Variants in CADPS observed in about 807,000 individuals in gnomAD.
CADPS encodes the protein calcium-dependent secretion activator 1.
A neutral mutation model predicts 167.3 loss-of-function variants in CADPS; 57 were observed. That is an observed-to-expected ratio of 0.34 (90% confidence interval 0.28 to 0.42). The LOEUF (loss-of-function observed/expected upper bound fraction) is 0.42, where lower values mean the gene tolerates loss of function less well. Ranked by LOEUF, CADPS falls within the 20% of genes least tolerant of loss-of-function variation. The pLI is 1.00. For missense variants in CADPS, 1,414 were observed against 1,738.1 expected (o/e 0.81, Z 3.32); for synonymous variants, 676 against 635.3 (o/e 1.06, Z -0.96).
chr3:62,522,771 G>A (rs1353342002), intron 13 of CADPS, among the ~76,000 whole-genome samples: 2 of 152,130 alleles, frequency 1.3e-5, no homozygotes, highest in Non-Finnish European at 2.9e-5. Context: ...CCTGGTCTCT[G>A]GTTCCACCTA....
intron 1 of CADPS, among the ~76,000 whole-genome samples, chr3:62,857,867 A>G (rs1257344634): frequency 1.3e-5 from 2 of 152,116 alleles, no homozygotes; most frequent in Non-Finnish European, 2.9e-5. Context: ...CTTCAGTTAT[A>G]ATAAAAGTTA....
rs774001539 is a variant in CADPS, at chr3:62,474,337, G to A, written c.3330-17C>T. The A allele has an allele frequency of 6.2e-7, 1 of 1,611,992 alleles. No homozygotes were observed. Among genetic ancestry groups the A allele is most frequent in the Admixed American group, 1.7e-5 (1 of 59,744 alleles). ...ATCCTGGTTCTATTAAAACAAAGTA[G>A]GAAAAGACCAATTCAGCGTTCAGAT... On this transcript the variant is annotated splice_polypyrimidine_tract_variant and intron_variant, in intron 23 of 29. Transcript: ENST00000383710.
chr3:62,646,712 C>A (rs1054342899), intron 5 of CADPS, among the ~76,000 whole-genome samples: 1 of 152,158 alleles, frequency 6.6e-6, no homozygotes, highest in Non-Finnish European at 1.5e-5. Flanking sequence ...CCCGTTGTTG[C>A]CTTGTCTTTT....
intron 28 of CADPS, among the ~76,000 whole-genome samples, chr3:62,407,955 G>A (rs1418618408): frequency 2.0e-5 from 3 of 152,228 alleles, no homozygotes; most frequent in East Asian, 1.9e-4. Flanking sequence ...GGCTGGTCTT[G>A]AACCCCTGAC....
In CADPS at chr3:62,414,606, G is replaced by C. The variant is rs571484507; in HGVS notation, c.3778-11421C>G. Among the ~76,000 whole-genome samples the C allele has an allele frequency of 3.9e-5, 6 of 152,272 alleles. No individual in the cohort carries two copies. In the South Asian group the frequency reaches 6.2e-4, roughly 16 times the overall value. ...CTTGGGAGGATTAATCTCCCTGTTC[G>C]CCCAACCAATGTCTTCTGTTGGTGA... On this transcript the variant is annotated intron_variant, in intron 28 of 29. Coordinates refer to ENST00000383710, the MANE Select transcript of CADPS (RefSeq NM_003716.4).
intron 1 of CADPS, among the ~76,000 whole-genome samples, chr3:62,851,394 A>T (rs1429198029): frequency 7.3e-6 from 1 of 136,268 alleles, no homozygotes; most frequent in East Asian, 2.2e-4. Context: ...TTTTGGCATG[A>T]TTTTGCAGCG....
intron 28 of CADPS, among the ~76,000 whole-genome samples, chr3:62,429,197 A>G (rs1262344148): frequency 6.6e-6 from 1 of 152,092 alleles, no homozygotes; most frequent in Non-Finnish European, 1.5e-5. Context: ...GTTGGGGCAA[A>G]TAAGTTTGAA....
At chr3:62,700,815 G>T (rs1468101274) in intron 3 of CADPS, among the ~76,000 whole-genome samples, 1 of 151,048 alleles carries the variant, frequency 6.6e-6, no homozygotes, top group East Asian at 1.9e-4. Context: ...CATGGGAACT[G>T]TCTCAGTCAG....
intron 12 of CADPS, among the ~76,000 whole-genome samples, chr3:62,535,229 T>C (rs2074447155): frequency 1.3e-5 from 2 of 150,670 alleles, no homozygotes; most frequent in African/African-American, 4.9e-5. Context: ...TTTTTCTTTT[T>C]CTTTTTCTTT....
intron 4 of CADPS, among the ~76,000 whole-genome samples, chr3:62,658,811 G>A (rs1321062575): frequency 6.6e-6 from 1 of 152,166 alleles, no homozygotes; most frequent in African/African-American, 2.4e-5. Flanking sequence ...AACTGCACCA[G>A]GGGTTGGCCC....
intron 3 of CADPS, among the ~76,000 whole-genome samples, chr3:62,719,895 C>G (rs554243693): frequency 6.6e-6 from 1 of 152,288 alleles, no homozygotes; most frequent in South Asian, 2.1e-4. Flanking sequence ...AACAGAAGTG[C>G]TCTGTGTCCC....
At chr3:62,660,731 G>A (rs2150442143) in intron 4 of CADPS, among the ~76,000 whole-genome samples, 1 of 152,230 alleles carries the variant, frequency 6.6e-6, no homozygotes, top group Non-Finnish European at 1.5e-5. Context: ...TGTGAATACA[G>A]TAGGAATCAT....
intron 20 of CADPS, 69 bp downstream of exon 20, chr3:62,492,221 A>G: frequency 7.3e-7 from 1 of 1,366,940 alleles, no homozygotes; most frequent in Non-Finnish European, 1.0e-6. Context: ...GCTTGGGATA[A>G]AGACATCTTA....
intron 1 of CADPS, among the ~76,000 whole-genome samples, chr3:62,783,871 G>A (rs112933934): frequency 8.9e-4 from 9 of 10,076 alleles, no homozygotes; most frequent in East Asian, 0.045. Context: ...TTATTTATCT[G>A]AGAGAAGGAG....
intron 6 of CADPS, among the ~76,000 whole-genome samples, chr3:62,593,039 C>G (rs116565835): frequency 2.4e-3 from 368 of 152,346 alleles, no homozygotes; most frequent in African/African-American, 8.3e-3. Context: ...CATGCATTTG[C>G]TGTATCTACA....
chr3:62,581,288 C>T (rs2083382606), intron 8 of CADPS, among the ~76,000 whole-genome samples: 1 of 152,072 alleles, frequency 6.6e-6, no homozygotes, highest in African/African-American at 2.4e-5. Flanking sequence ...TTCCCATTTT[C>T]TGATGCTACC....
chr3:62,442,152 C>A (rs1336894936), intron 27 of CADPS, among the ~76,000 whole-genome samples: 1 of 147,132 alleles, frequency 6.8e-6, no homozygotes, highest in Non-Finnish European at 1.5e-5. Flanking sequence ...TGCTGCTGTA[C>A]ATTCTAGTTT....
intron 20 of CADPS, among the ~76,000 whole-genome samples, chr3:62,491,780 T>C (rs1469313642): frequency 1.3e-5 from 2 of 152,264 alleles, no homozygotes; most frequent in South Asian, 2.1e-4. Flanking sequence ...TATTTTTTTT[T>C]CTGTTTTTCT....
At chr3:62,677,294 AAAC>A (rs1336559741) in intron 3 of CADPS, among the ~76,000 whole-genome samples, 1 of 152,090 alleles carries the variant, frequency 6.6e-6, no homozygotes, top group Non-Finnish European at 1.5e-5. Flanking sequence ...CAAAAAACCA[AAAC>A]AACAACAACA....
Sources: gnomAD v4.1 joint callset for allele counts (sites outside exome capture counted in the v4.1 genomes callset) on GRCh38, gnomAD v4.1.1 for gene constraint, MANE v1.5 for transcripts, NCBI Gene and HGNC (gene_info 2026-07-23, HGNC 2026-07-21) for gene names.